Variants in CNGA3 observed in about 807,000 individuals in gnomAD.
CNGA3 encodes the protein cyclic nucleotide gated channel subunit alpha 3.
In CNGA3, 42 loss-of-function variants were observed where a neutral mutation model predicts 46.6. The ratio of observed to expected loss-of-function variants is 0.90; its 90% CI spans 0.70 to 1.17. The LOEUF (loss-of-function observed/expected upper bound fraction) is 1.17. Ranked by LOEUF, CNGA3 falls within the 50% of genes most tolerant of loss-of-function variation. The pLI, the probability that CNGA3 is intolerant of heterozygous loss-of-function variation, is 0.00. For missense variants in CNGA3, 893 were observed against 890.7 expected (o/e 1.00, Z -0.03); for synonymous variants, 394 against 369.4 (o/e 1.07, Z -0.76).
In CNGA3 at chr2:98,361,704, C is replaced by CTT. The variant is rs1230449113; in HGVS notation, c.-37-8215_-37-8214dup. Among the ~76,000 whole-genome samples, 133 of 108,876 alleles carry CTT rather than the reference C, an allele frequency of 1.2e-3. 2 individuals carry two copies. Among genetic ancestry groups the CTT allele is most frequent in the African/African-American group, 2.6e-3 (75 of 28,504 alleles). 71.4% of individuals were successfully genotyped at this position (108,876 alleles called of 152,430 possible). A position where few individuals can be genotyped will look rare whatever the true frequency, so the allele number is the denominator to read the frequency against. On this transcript the variant is annotated intron_variant, in intron 1 of 7. Transcript: ENST00000272602. The stretch of plus-strand genomic sequence containing the variant: ...CCACAAGCAACTGTCCTTTTCTTGA[C>CTT]TTTTTTTTTTTTTTTTTTTTTGAGA...
In CNGA3 at chr2:98,377,469, AG is replaced by A. The variant is rs1409952492; in HGVS notation, c.102-217del. The A allele has an allele frequency of 7.0e-5, 39 of 557,832 alleles. No individual in the cohort carries two copies. In the East Asian group the frequency reaches 1.3e-3, roughly 18 times the overall value. 34.6% of individuals were successfully genotyped at this position (557,832 alleles called of 1,614,324 possible). A position where few individuals can be genotyped will look rare whatever the true frequency, so the allele number is the denominator to read the frequency against. On this transcript the variant is annotated intron_variant, in intron 2 of 7. Transcript: ENST00000272602. ...CCCGTCCTTTCACCTAGCCCTGGAC[AG>A]TAGCTACCTTCCTTGCTGTAAAGGA...
chr2:98,348,003 G>C (rs62156264), intron 1 of CNGA3, among the ~76,000 whole-genome samples: 66,706 of 151,606 alleles, frequency 0.44, 15,006 homozygotes, highest in Non-Finnish European at 0.5. Context: ...CTTGTGTGTG[G>C]TATCCACCAA....
At chr2:98,378,296 C>T (rs994751155) in intron 3 of CNGA3, 28 of 1,374,132 alleles carry the variant, frequency 2.0e-5, no homozygotes, top group East Asian at 1.3e-4. Flanking sequence ...TGATGACATC[C>T]GTACTCCAGC....
intron 5 of CNGA3, among the ~76,000 whole-genome samples, chr2:98,385,623 A>G (rs1021292049): frequency 6.6e-6 from 1 of 152,220 alleles, no homozygotes; most frequent in East Asian, 1.9e-4. Context: ...TCTGTTTCCC[A>G]ACTCAGTTGC....
In CNGA3 at chr2:98,398,541, C is replaced by G. The variant is rs1445923347; in HGVS notation, c.*1286C>G. 1 of 151,892 alleles carries G rather than the reference C, an allele frequency of 6.6e-6. No homozygotes were observed. Among genetic ancestry groups the G allele is most frequent in the Non-Finnish European group, 1.5e-5 (1 of 68,016 alleles). The allele number at this position is 151,892 out of a possible 1,614,324, so 9.4% of individuals were successfully genotyped here. A position where few individuals can be genotyped will look rare whatever the true frequency, so the allele number is the denominator to read the frequency against. On this transcript the variant is annotated 3_prime_UTR_variant, in exon 8 of 8. Coordinates refer to ENST00000272602, the MANE Select transcript of CNGA3 (RefSeq NM_001298.3). ...AATGTATATATTTTAAAAGCCTTAA[C>G]TGTTAGTTATGCCTGCATTCATATT...
chr2:98,368,160 C>T (rs755142794), intron 1 of CNGA3, among the ~76,000 whole-genome samples: 1 of 152,232 alleles, frequency 6.6e-6, no homozygotes, highest in East Asian at 1.9e-4. Flanking sequence ...AACTATCAAA[C>T]ATCAGAGACA....
At chr2:98,377,042 T>A (rs1015710074) in intron 2 of CNGA3, among the ~76,000 whole-genome samples, 1 of 151,960 alleles carries the variant, frequency 6.6e-6, no homozygotes, top group Non-Finnish European at 1.5e-5. Context: ...GAGCCTAGAG[T>A]TTGGCAAAAG....
chr2:98,365,825 T>A (rs1487772269), intron 1 of CNGA3, among the ~76,000 whole-genome samples: 3 of 152,208 alleles, frequency 2.0e-5, no homozygotes, highest in Non-Finnish European at 4.4e-5. Context: ...CTTAGCTTCT[T>A]TGCATTGGGT....
intron 1 of CNGA3, among the ~76,000 whole-genome samples, chr2:98,365,897 G>A: frequency 6.6e-6 from 1 of 152,172 alleles, no homozygotes; most frequent in East Asian, 1.9e-4. Flanking sequence ...GCCTACTTCT[G>A]TCAGTTAATC....
intron 3 of CNGA3, among the ~76,000 whole-genome samples, chr2:98,379,724 C>T (rs965566651): frequency 1.3e-5 from 2 of 152,196 alleles, no homozygotes; most frequent in Non-Finnish European, 2.9e-5. Flanking sequence ...ATCTCAAGAA[C>T]TTCTAAATAA....
chr2:98,383,664 T>C (rs2104214385), intron 5 of CNGA3, among the ~76,000 whole-genome samples: 1 of 152,368 alleles, frequency 6.6e-6, no homozygotes, highest in Non-Finnish European at 1.5e-5. Flanking sequence ...TCTGATCTCT[T>C]CGCCTCTCAT....
intron 2 of CNGA3, among the ~76,000 whole-genome samples, chr2:98,371,190 T>C (rs1257207388): frequency 6.6e-6 from 1 of 152,194 alleles, no homozygotes; most frequent in African/African-American, 2.4e-5. Flanking sequence ...CCAATGTTTC[T>C]GTTATTTTTG....
intron 1 of CNGA3, among the ~76,000 whole-genome samples, 191 bp downstream of exon 1, chr2:98,346,725 G>A (rs1227374113): frequency 1.3e-5 from 2 of 152,108 alleles, no homozygotes; most frequent in Non-Finnish European, 2.9e-5. Flanking sequence ...TGGAGAGAAA[G>A]TGAAAAAGGA....
intron 4 of CNGA3, among the ~76,000 whole-genome samples, chr2:98,382,959 T>C (rs1203403898): frequency 6.6e-6 from 1 of 152,210 alleles, no homozygotes; most frequent in African/African-American, 2.4e-5. Flanking sequence ...GCGTCCATCC[T>C]GGGGCAGAAG....
chr2:98,356,162 A>G (rs1477517414), intron 1 of CNGA3, among the ~76,000 whole-genome samples: 1 of 152,224 alleles, frequency 6.6e-6, no homozygotes, highest in Non-Finnish European at 1.5e-5. Flanking sequence ...AAAGTGTTTT[A>G]GAAAAGTTTC....
At chr2:98,362,086 G>T (rs1177075902) in intron 1 of CNGA3, among the ~76,000 whole-genome samples, 1 of 151,270 alleles carries the variant, frequency 6.6e-6, no homozygotes, top group Non-Finnish European at 1.5e-5. Flanking sequence ...TTTCCCTAAT[G>T]ATCAGTGACG....
In CNGA3 at chr2:98,378,131, G is replaced by A. The variant is rs963820827; in HGVS notation, c.215+331G>A. 40 of 1,550,754 alleles carry A rather than the reference G, an allele frequency of 2.6e-5. 2 individuals carry two copies. Among genetic ancestry groups the A allele is most frequent in the Middle Eastern group, 1.7e-4 (1 of 6,014 alleles). ...AGCCAGCCGTGGGAGACCTTTGATTGGGTGGACACAGTGGTGTGCTGAGGA... is the reference window on the plus strand; with the variant it reads ...AGCCAGCCGTGGGAGACCTTTGATTAGGTGGACACAGTGGTGTGCTGAGGA... On this transcript the variant is annotated intron_variant, in intron 3 of 7. Transcript: ENST00000272602.
At chr2:98,391,673 G>GAGTTCTGT (rs1282512653) in intron 6 of CNGA3, among the ~76,000 whole-genome samples, 191 bp from the exon 7 acceptor site, 1 of 152,096 alleles carries the variant, frequency 6.6e-6, no homozygotes, top group Non-Finnish European at 1.5e-5. Context: ...TGTGACTGTG[G>GAGTTCTGT]GACAGAAAAG....
chr2:98,391,190 C>A (rs542839627), intron 6 of CNGA3, among the ~76,000 whole-genome samples: 1 of 152,176 alleles, frequency 6.6e-6, no homozygotes, highest in African/African-American at 2.4e-5. Flanking sequence ...GGAGGGATTG[C>A]GGGGCAGGTG....
Sources: gnomAD v4.1 joint callset for allele counts (sites outside exome capture counted in the v4.1 genomes callset) on GRCh38, gnomAD v4.1.1 for gene constraint, MANE v1.5 for transcripts, NCBI Gene and HGNC (gene_info 2026-07-23, HGNC 2026-07-21) for gene names.